The following IL1RAPL1 variants were observed in gnomAD, a reference collection of about 807,000 sequenced individuals.
The protein encoded by IL1RAPL1 is interleukin-1 receptor accessory protein-like 1.
Under a neutral mutation model 48.4 loss-of-function variants are expected in IL1RAPL1, and 3 were observed. The ratio of observed to expected loss-of-function variants is 0.06; its 90% confidence interval spans 0.03 to 0.16. The LOEUF (loss-of-function observed/expected upper bound fraction) is 0.16, where lower values mean the gene tolerates loss of function less well. Among genes scored for constraint, IL1RAPL1 ranks in the 10% least tolerant of loss-of-function variants. The pLI is 1.00. For missense variants in IL1RAPL1, 349 were observed against 530.6 expected (o/e 0.66, Z 3.36); for synonymous variants, 185 against 187.7 (o/e 0.99, Z 0.12).
intron 1 of IL1RAPL1, among the ~76,000 whole-genome samples, chrX:28,641,283 C>T (rs1163815074): frequency 1.8e-5 from 2 of 109,592 alleles, no homozygotes; most frequent in Non-Finnish European, 3.8e-5. Context: ...TCTCATTGTT[C>T]AACTCCCACT....
chrX:29,652,083 A>G (rs1396996823), intron 5 of IL1RAPL1, among the ~76,000 whole-genome samples: 1 of 111,685 alleles, frequency 9.0e-6, no homozygotes, highest in Non-Finnish European at 1.9e-5. Flanking sequence ...GATCTTCAGA[A>G]AAAAAGCACA....
chrX:29,120,151 C>G lies in IL1RAPL1; in HGVS notation c.83-162787C>G, dbSNP rs189753750. Among the ~76,000 whole-genome samples the G allele has an allele frequency of 4.8e-3, 540 of 111,952 alleles. 3 individuals carry two copies. The highest frequency in any genetic ancestry group is 0.017 in the African/African-American group (518 of 30,867). On this transcript the variant is annotated intron_variant, in intron 2 of 10. Transcript: ENST00000378993. ...AGAAGCTCTTTAGTTTAGTTCGGTC[C>G]TACTTGTCAATTTTTGTTTTTGGTG...
chrX:29,819,268 T>G (rs1391964893), intron 6 of IL1RAPL1, among the ~76,000 whole-genome samples: 4 of 111,609 alleles, frequency 3.6e-5, no homozygotes, highest in African/African-American at 6.5e-5. Flanking sequence ...CTTTCTTCAT[T>G]TATTTGATGA....
intron 2 of IL1RAPL1, among the ~76,000 whole-genome samples, chrX:29,218,650 A>G (rs778366297): frequency 8.9e-6 from 1 of 112,164 alleles, no homozygotes; most frequent in South Asian, 3.7e-4. Flanking sequence ...TCATTATTAA[A>G]ACAATAATGT....
intron 8 of IL1RAPL1, among the ~76,000 whole-genome samples, chrX:29,940,904 A>ACATATT (rs933202871): frequency 9.0e-6 from 1 of 111,665 alleles, no homozygotes; most frequent in Non-Finnish European, 1.9e-5. Context: ...AACACCACCA[A>ACATATT]CATATTCATA....
intron 2 of IL1RAPL1, among the ~76,000 whole-genome samples, chrX:28,969,490 G>A (rs1268518972): frequency 9.2e-6 from 1 of 108,581 alleles, no homozygotes; most frequent in Non-Finnish European, 1.9e-5. Flanking sequence ...TTCAGTGTAG[G>A]CATTTTTGCT....
chrX:28,834,932 C>T lies in IL1RAPL1; in HGVS notation c.82+45507C>T, dbSNP rs147799888. 2.8e-4 allele frequency among the ~76,000 whole-genome samples: 31 copies of T among 111,230 alleles called. No individual in the cohort carries two copies. In the East Asian group the frequency reaches 8.0e-3, roughly 29 times the overall value. ...TCTGCATGACACACACAAACACACA[C>T]ACCGATAATACAGTGTAGAAAGATA... On this transcript the variant is annotated intron_variant, in intron 2 of 10. Transcript: ENST00000378993.
At chrX:29,652,085 A>G (rs1214985930) in intron 5 of IL1RAPL1, among the ~76,000 whole-genome samples, 1 of 111,681 alleles carries the variant, frequency 9.0e-6, no homozygotes, top group Non-Finnish European at 1.9e-5. Flanking sequence ...TCTTCAGAAA[A>G]AAAGCACACA....
intron 2 of IL1RAPL1, among the ~76,000 whole-genome samples, chrX:29,052,472 A>C (rs968023611): frequency 7.2e-5 from 8 of 111,395 alleles, no homozygotes; most frequent in African/African-American, 2.6e-4. Context: ...ATTACTAACT[A>C]TAGTCACCTG....
chrX:29,205,966 C>G (rs1198952925), intron 2 of IL1RAPL1, among the ~76,000 whole-genome samples: 1 of 109,043 alleles, frequency 9.2e-6, no homozygotes, highest in African/African-American at 3.3e-5. Flanking sequence ...GTCTTGAATT[C>G]CTGACCTCGT....
chrX:28,935,333 A>T (rs1410728566), intron 2 of IL1RAPL1, among the ~76,000 whole-genome samples: 2 of 110,733 alleles, frequency 1.8e-5, no homozygotes, highest in Non-Finnish European at 3.8e-5. Context: ...TTCCTTGGTT[A>T]TATATATATA....
chrX:29,725,231 C>A (rs924054620), intron 6 of IL1RAPL1, among the ~76,000 whole-genome samples: 1 of 111,096 alleles, frequency 9.0e-6, no homozygotes, highest in Non-Finnish European at 1.9e-5. Flanking sequence ...AATTCTCATT[C>A]TGGCTTAATC....
intron 8 of IL1RAPL1, among the ~76,000 whole-genome samples, chrX:29,930,552 G>A (rs1232749693): frequency 8.9e-6 from 1 of 111,794 alleles, no homozygotes; most frequent in Non-Finnish European, 1.9e-5. Flanking sequence ...GTTACCTCGA[G>A]GTGGCATGAT....
intron 5 of IL1RAPL1, among the ~76,000 whole-genome samples, chrX:29,431,966 A>G (rs773084091): frequency 4.5e-5 from 5 of 111,755 alleles, no homozygotes; most frequent in Non-Finnish European, 3.8e-5. Context: ...AACTTTTACA[A>G]CTCAGTTTGT....
chrX:29,154,101 CTCCCAACAAAGCCT>C (rs1349254881), intron 2 of IL1RAPL1, among the ~76,000 whole-genome samples: 2 of 111,928 alleles, frequency 1.8e-5, no homozygotes, highest in Non-Finnish European at 1.9e-5. Context: ...TGCACTTCCT[CTCCCAACAAAGCCT>C]TACAAGCATG....
chrX:28,968,212 T>C (rs1924968112), intron 2 of IL1RAPL1, among the ~76,000 whole-genome samples: 1 of 111,766 alleles, frequency 8.9e-6, no homozygotes, highest in South Asian at 3.7e-4. Flanking sequence ...CTTAGATTAC[T>C]GACAACCCTT....
intron 6 of IL1RAPL1, 76 bp downstream of exon 6, chrX:29,668,580 C>T (rs1926061832): frequency 1.4e-6 from 1 of 710,504 alleles, no homozygotes; most frequent in Non-Finnish European, 2.2e-6. Context: ...GATTGTAACC[C>T]GATGTAATAC....
chrX:28,716,697 G>A (rs932011636), intron 1 of IL1RAPL1, among the ~76,000 whole-genome samples: 2 of 111,817 alleles, frequency 1.8e-5, no homozygotes, highest in Admixed American at 1.9e-4. Flanking sequence ...AAAATAAAGA[G>A]CTTCTGCACA....
At chrX:29,569,236 T>C (rs1025112429) in intron 5 of IL1RAPL1, among the ~76,000 whole-genome samples, 1 of 110,864 alleles carries the variant, frequency 9.0e-6, no homozygotes, top group African/African-American at 3.3e-5. Context: ...TGTAGGAATA[T>C]AGTATAAACA....
Sources: allele counts gnomAD v4.1 joint callset (sites outside exome capture counted in the v4.1 genomes callset), GRCh38; gene constraint gnomAD v4.1.1; transcripts MANE v1.5; gene names NCBI Gene and HGNC (gene_info 2026-07-23, HGNC 2026-07-21).